KCNMB2: variants seen among roughly 807,000 people sequenced by gnomAD.
The protein encoded by KCNMB2 is calcium-activated potassium channel subunit beta-2.
In KCNMB2, 9 loss-of-function variants were observed where a neutral mutation model predicts 24.5. The observed-to-expected ratio is 0.37, with a 90% confidence interval of 0.22 to 0.64. KCNMB2 has a LOEUF of 0.64. Ranked by LOEUF, KCNMB2 falls within the 30% of genes least tolerant of loss-of-function variation. The pLI is 0.63. For synonymous variants in KCNMB2, 109 were observed against 104.4 expected (o/e 1.04, Z -0.27); for missense variants, 226 against 284.3 (o/e 0.79, Z 1.47).
At position 178,767,332 on chromosome 3, in the gene KCNMB2, T is replaced by G. The variant is rs181310729; in HGVS notation, c.-67-40011T>G. 5.2e-4 allele frequency among the ~76,000 whole-genome samples: 79 copies of G among 152,294 alleles called. 1 individual carries two copies. Among genetic ancestry groups the G allele is most frequent in the Middle Eastern group, 3.4e-3 (1 of 294 alleles). ...CACAAATGGTCTGAATGTTTGTATA[T>G]TCCAGAAGCACTCAAAGCCATGTTA... On this transcript the variant is annotated intron_variant, in intron 1 of 4. Transcript: ENST00000452583.
intron 1 of KCNMB2, among the ~76,000 whole-genome samples, chr3:178,629,913 G>A (rs1389822288): frequency 6.6e-6 from 1 of 152,112 alleles, no homozygotes; most frequent in Non-Finnish European, 1.5e-5. Flanking sequence ...ACAGTAAACA[G>A]TATAGGCTAG....
At chr3:178,643,995 C>T (rs9832001) in intron 1 of KCNMB2, among the ~76,000 whole-genome samples, 35,686 of 152,204 alleles carry the variant, frequency 0.23, 4,368 homozygotes, top group Middle Eastern at 0.46. Flanking sequence ...CAATCAACAG[C>T]CTTCTCACAG....
At chr3:178,545,596 G>A (rs1042953416) in intron 1 of KCNMB2, among the ~76,000 whole-genome samples, 1 of 152,176 alleles carries the variant, frequency 6.6e-6, no homozygotes, top group African/African-American at 2.4e-5. Flanking sequence ...AGAAGCAGTT[G>A]GTAAATCTTG....
intron 1 of KCNMB2, among the ~76,000 whole-genome samples, chr3:178,657,338 G>T (rs891666926): frequency 6.6e-6 from 1 of 152,186 alleles, no homozygotes; most frequent in Non-Finnish European, 1.5e-5. Context: ...AGTCACTCCA[G>T]CCTGGAGTTG....
chr3:178,750,419 C>G, intron 1 of KCNMB2, among the ~76,000 whole-genome samples: 1 of 152,132 alleles, frequency 6.6e-6, no homozygotes, highest in Non-Finnish European at 1.5e-5. Context: ...CAAAAAAACA[C>G]TGCTCAGTCA....
chr3:178,787,413 T>C (rs1014408581), intron 1 of KCNMB2, among the ~76,000 whole-genome samples: 2 of 152,164 alleles, frequency 1.3e-5, no homozygotes, highest in Admixed American at 6.5e-5. Context: ...ATTATTGCAC[T>C]GTAACATCAC....
chr3:178,683,871 G>A (rs564110563), intron 1 of KCNMB2, among the ~76,000 whole-genome samples: 186 of 152,286 alleles, frequency 1.2e-3, no homozygotes, highest in Non-Finnish European at 2.1e-3. Flanking sequence ...ATGTAGATAG[G>A]TGCAGCCATT....
intron 1 of KCNMB2, among the ~76,000 whole-genome samples, chr3:178,708,281 C>G (rs1183993222): frequency 6.6e-6 from 1 of 152,050 alleles, no homozygotes; most frequent in Non-Finnish European, 1.5e-5. Context: ...ATGGTTTATT[C>G]ATCTTTGTAC....
chr3:178,675,537 AAAGAGTGC>A (rs11279838), intron 1 of KCNMB2, among the ~76,000 whole-genome samples: 47,188 of 151,790 alleles, frequency 0.31, 7,715 homozygotes, highest in African/African-American at 0.42. Flanking sequence ...CTGGGTAAGT[AAAGAGTGC>A]AAGTTAGCAT....
intron 2 of KCNMB2, among the ~76,000 whole-genome samples, chr3:178,815,729 T>C (rs967383425): frequency 1.3e-5 from 2 of 152,060 alleles, no homozygotes; most frequent in African/African-American, 4.8e-5. Flanking sequence ...TAGGAGTTTT[T>C]ATCATGAATG....
intron 1 of KCNMB2, among the ~76,000 whole-genome samples, chr3:178,781,418 C>T (rs1357575558): frequency 6.6e-6 from 1 of 151,538 alleles, no homozygotes; most frequent in African/African-American, 2.4e-5. Context: ...ATGGTGAAAC[C>T]CCGTCTCTAC....
At chr3:178,783,581 T>G (rs1349909076) in intron 1 of KCNMB2, among the ~76,000 whole-genome samples, 2 of 147,034 alleles carry the variant, frequency 1.4e-5, no homozygotes, top group Non-Finnish European at 3.0e-5. Context: ...ACTCATGATT[T>G]GGCTCTCTGT....
intron 1 of KCNMB2, among the ~76,000 whole-genome samples, chr3:178,619,007 C>A (rs984178480): frequency 2.6e-5 from 4 of 152,112 alleles, no homozygotes; most frequent in Non-Finnish European, 5.9e-5. Context: ...TCTGTTTGAT[C>A]CCAAAGCCCG....
At position 178,825,379 on chromosome 3, in the gene KCNMB2, C is replaced by G. The variant is rs140209168; in HGVS notation, c.57-209C>G. ...AAGGAGGGCTTATTTCTGCTCAGGACTGGTACACATACAAGCGTGCATGTG... is the reference window on the plus strand; with the variant it reads ...AAGGAGGGCTTATTTCTGCTCAGGAGTGGTACACATACAAGCGTGCATGTG... On this transcript the variant is annotated intron_variant, in intron 2 of 4. Coordinates refer to ENST00000452583, the MANE Select transcript of KCNMB2 (RefSeq NM_181361.3). Among the ~76,000 whole-genome samples the G allele has an allele frequency of 2.6e-3, 403 of 152,208 alleles. 2 individuals are homozygous for G. The highest frequency in any genetic ancestry group is 9.3e-3 in the African/African-American group (385 of 41,530).
intron 1 of KCNMB2, among the ~76,000 whole-genome samples, chr3:178,705,193 G>T (rs1437319271): frequency 6.6e-6 from 1 of 151,966 alleles, no homozygotes; most frequent in South Asian, 2.1e-4. Flanking sequence ...CAGCCCTTCT[G>T]GTAGCTTCAC....
rs544158829 is a variant in KCNMB2 at position 178,674,059 on chromosome 3, T to C, written c.-67-133284T>C. Among the ~76,000 whole-genome samples the C allele has an allele frequency of 1.2e-4, 18 of 152,298 alleles. No individual in the cohort carries two copies. The South Asian group carries it at 3.5e-3, about 30-fold the overall frequency. On this transcript the variant is annotated intron_variant, in intron 1 of 4. Coordinates refer to ENST00000452583, the MANE Select transcript of KCNMB2 (RefSeq NM_181361.3). ...CAGAAACATTTGACACCATTGACTCTGTCCCCTCTTCATCCATCAATTACT... is the reference window on the plus strand; with the variant it reads ...CAGAAACATTTGACACCATTGACTCCGTCCCCTCTTCATCCATCAATTACT...
chr3:178,734,684 C>G (rs1398775359), intron 1 of KCNMB2, among the ~76,000 whole-genome samples: 1 of 152,192 alleles, frequency 6.6e-6, no homozygotes, highest in East Asian at 1.9e-4. Flanking sequence ...GACCCAAGTC[C>G]TCTGATTCCA....
At chr3:178,818,460 T>C (rs1714493600) in intron 2 of KCNMB2, among the ~76,000 whole-genome samples, 1 of 152,158 alleles carries the variant, frequency 6.6e-6, no homozygotes, top group African/African-American at 2.4e-5. Context: ...GTAAATGTTG[T>C]TCCCCTCCCT....
At chr3:178,601,997 T>C (rs954708080) in intron 1 of KCNMB2, among the ~76,000 whole-genome samples, 1 of 152,214 alleles carries the variant, frequency 6.6e-6, no homozygotes, top group Non-Finnish European at 1.5e-5. Context: ...CTCTCTATAA[T>C]TAATAACAGG....
Sources: gnomAD v4.1 joint callset for allele counts (sites outside exome capture counted in the v4.1 genomes callset) on GRCh38, gnomAD v4.1.1 for gene constraint, MANE v1.5 for transcripts, NCBI Gene and HGNC (gene_info 2026-07-23, HGNC 2026-07-21) for gene names.